FNBP1: variants seen among roughly 807,000 people sequenced by gnomAD.
FNBP1 encodes the protein formin-binding protein 1.
FNBP1 carries 26 observed loss-of-function variants against 90.6 expected under a neutral mutation model. The ratio of observed to expected loss-of-function variants is 0.29; its 90% CI spans 0.21 to 0.40. The LOEUF (loss-of-function observed/expected upper bound fraction) is 0.40, where lower values mean the gene tolerates loss of function less well. FNBP1 is among the 10% of genes least tolerant of loss of function. The pLI is 1.00. For missense variants in FNBP1, 635 were observed against 768.0 expected (o/e 0.83, Z 2.05); for synonymous variants, 260 against 265.2 (o/e 0.98, Z 0.19).
intron 6 of FNBP1, among the ~76,000 whole-genome samples, chr9:129,950,387 TG>T (rs1285063402): frequency 6.6e-6 from 1 of 152,162 alleles, no homozygotes; most frequent in Non-Finnish European, 1.5e-5. Flanking sequence ...ATGCTCCCAG[TG>T]TAAGAAAAAG....
intron 1 of FNBP1, among the ~76,000 whole-genome samples, chr9:130,005,783 G>A (rs2417194): frequency 0.068 from 10,317 of 152,274 alleles, 469 homozygotes; most frequent in East Asian, 0.15. Context: ...AGGTTTATTT[G>A]TTTTTTCCTT....
intron 4 of FNBP1, among the ~76,000 whole-genome samples, chr9:129,976,176 G>A (rs2050277566): frequency 1.3e-5 from 2 of 152,140 alleles, no homozygotes; most frequent in Admixed American, 6.6e-5. Flanking sequence ...GGGCTCCAGT[G>A]CAGGGTTTCT....
chr9:130,016,435 T>A (rs1436932996), intron 1 of FNBP1, among the ~76,000 whole-genome samples: 2 of 152,118 alleles, frequency 1.3e-5, no homozygotes, highest in Non-Finnish European at 2.9e-5. Context: ...ACTACCAATC[T>A]AGATGTCCTT....
chr9:130,053,614 A>T, the FNBP1 span: 3 of 393,124 alleles, frequency 7.6e-6, no homozygotes, highest in Non-Finnish European at 1.4e-5. Flanking sequence ...GGGTCCCCGG[A>T]GCCCAAGGTC....
intron 16 of FNBP1, among the ~76,000 whole-genome samples, chr9:129,893,373 C>T (rs10739762): frequency 0.54 from 80,316 of 149,030 alleles, 21,942 homozygotes; most frequent in East Asian, 0.77. Context: ...GAGGCTGAGG[C>T]GGGCGGATCA....
chr9:129,895,098 AT>A (rs765315721), intron 16 of FNBP1, among the ~76,000 whole-genome samples: 21 of 152,122 alleles, frequency 1.4e-4, no homozygotes, highest in Non-Finnish European at 2.9e-4. Context: ...AAACCTGTCA[AT>A]TTGATGACAC....
At chr9:130,021,130 G>A (rs2057790878) in intron 1 of FNBP1, among the ~76,000 whole-genome samples, 2 of 152,186 alleles carry the variant, frequency 1.3e-5, no homozygotes. Context: ...GAACAGGTGA[G>A]TTGTAGGCAA....
intron 1 of FNBP1, among the ~76,000 whole-genome samples, chr9:130,027,747 ACTG>A (rs2132070436): frequency 6.6e-6 from 1 of 152,098 alleles, no homozygotes; most frequent in Non-Finnish European, 1.5e-5. Context: ...GCTAAGTATG[ACTG>A]TTGGTTGAGA....
At chr9:129,918,579 T>C (rs1216387453) in intron 10 of FNBP1, among the ~76,000 whole-genome samples, 1 of 152,086 alleles carries the variant, frequency 6.6e-6, no homozygotes, top group East Asian at 1.9e-4. Context: ...AAAATAAATA[T>C]ATATAGAGAG....
At chr9:130,027,239 T>C (rs747629201) in intron 1 of FNBP1, among the ~76,000 whole-genome samples, 1 of 152,170 alleles carries the variant, frequency 6.6e-6, no homozygotes. Context: ...ACAAGAACCT[T>C]AGAAAAAACT....
chr9:129,909,885 T>G (rs2038918935), intron 11 of FNBP1, among the ~76,000 whole-genome samples: 1 of 152,164 alleles, frequency 6.6e-6, no homozygotes, highest in Non-Finnish European at 1.5e-5. Context: ...GCGCCCAGCC[T>G]AGTGACTTCT....
At chr9:129,968,395 C>CAAA (rs775896038) in intron 4 of FNBP1, among the ~76,000 whole-genome samples, 5 of 69,102 alleles carry the variant, frequency 7.2e-5, no homozygotes, top group South Asian at 4.8e-4. Context: ...AACTCCGTCT[C>CAAA]AAAAAAAAAA....
intron 15 of FNBP1, 88 bp downstream of exon 15, chr9:129,899,873 AGAAG>A (rs200426916): frequency 0.022 from 25,363 of 1,165,342 alleles, 365 homozygotes; most frequent in Middle Eastern, 0.025. Flanking sequence ...AAAAATGATC[AGAAG>A]GAAGGAAGGA....
intron 6 of FNBP1, among the ~76,000 whole-genome samples, chr9:129,939,038 C>T (rs1241766684): frequency 1.3e-5 from 2 of 152,082 alleles, no homozygotes; most frequent in Non-Finnish European, 2.9e-5. Context: ...AGTGCAGTGG[C>T]ATGATCTCGG....
intron 1 of FNBP1, among the ~76,000 whole-genome samples, chr9:130,011,805 T>C (rs116402531): frequency 0.021 from 3,179 of 152,328 alleles, 111 homozygotes; most frequent in African/African-American, 0.073. Context: ...TGTTCATGGA[T>C]TGGAAGGCCA....
chr9:130,024,006 T>C (rs1367366783), intron 1 of FNBP1, among the ~76,000 whole-genome samples: 1 of 152,126 alleles, frequency 6.6e-6, no homozygotes, highest in Non-Finnish European at 1.5e-5. Flanking sequence ...TCAACATACA[T>C]ATAACCTTTA....
chr9:129,916,532 G>A (rs369944658), intron 10 of FNBP1, among the ~76,000 whole-genome samples: 2 of 151,514 alleles, frequency 1.3e-5, no homozygotes, highest in Admixed American at 1.3e-4. Flanking sequence ...CAGGAGAATC[G>A]CTTGAACCTG....
rs1262774203 is a variant in FNBP1, at chr9:129,984,777, A to T, written c.141-5403T>A. 3.9e-5 allele frequency among the ~76,000 whole-genome samples: 6 copies of T among 152,168 alleles called. No homozygotes were observed. In the East Asian group the frequency reaches 1.2e-3, roughly 29 times the overall value. ...CGTGCTATTCTCGTGATAGTGAATA[A>T]GTCTCACAAGATCTGACAGGTTTAT... is the stretch of plus-strand genomic sequence containing the variant. On this transcript the variant is annotated intron_variant, in intron 2 of 16. Coordinates refer to ENST00000446176, the MANE Select transcript of FNBP1 (RefSeq NM_015033.3).
chr9:129,891,171 AAAC>A (rs2035068948), intron 16 of FNBP1, among the ~76,000 whole-genome samples: 1 of 143,160 alleles, frequency 7.0e-6, no homozygotes, highest in African/African-American at 2.6e-5. Flanking sequence ...AAAAAAAAGG[AAAC>A]GGAGGTTGGG....
Sources: gnomAD v4.1 joint callset for allele counts (sites outside exome capture counted in the v4.1 genomes callset) on GRCh38, gnomAD v4.1.1 for gene constraint, MANE v1.5 for transcripts, NCBI Gene and HGNC (gene_info 2026-07-23, HGNC 2026-07-21) for gene names.